AUTS2: variants seen among roughly 807,000 people sequenced by gnomAD.
AUTS2 encodes the protein autism susceptibility gene 2 protein.
Under a neutral mutation model 112.4 loss-of-function variants are expected in AUTS2, and 17 were observed. That is an observed-to-expected ratio of 0.15 (90% CI 0.10 to 0.23). The LOEUF is 0.23. Ranked by LOEUF, AUTS2 falls within the 10% of genes least tolerant of loss-of-function variation. AUTS2 has a pLI of 1.00. For synonymous variants in AUTS2, 751 were observed against 702.7 expected (o/e 1.07, Z -1.09); for missense variants, 1,510 against 1,701.6 (o/e 0.89, Z 1.98).
intron 6 of AUTS2, among the ~76,000 whole-genome samples, chr7:70,700,775 T>G (rs1426032058): frequency 6.6e-6 from 1 of 152,142 alleles, no homozygotes; most frequent in African/African-American, 2.4e-5. Flanking sequence ...TTTGGGTCTG[T>G]TTTTACTCCG....
intron 4 of AUTS2, among the ~76,000 whole-genome samples, chr7:70,314,874 C>T (rs192542241): frequency 5.9e-5 from 9 of 152,288 alleles, no homozygotes; most frequent in Admixed American, 5.9e-4. Context: ...TTTCCCTTTG[C>T]CTTGTACCTG....
intron 1 of AUTS2, among the ~76,000 whole-genome samples, chr7:69,702,304 G>C (rs1562821750): frequency 6.6e-6 from 1 of 152,270 alleles, no homozygotes; most frequent in Non-Finnish European, 1.5e-5. Context: ...CAAATAAAAG[G>C]GCTGTAGTTT....
chr7:70,750,723 T>A (rs926180450), intron 6 of AUTS2, among the ~76,000 whole-genome samples: 5 of 152,346 alleles, frequency 3.3e-5, no homozygotes, highest in Non-Finnish European at 7.4e-5. Context: ...ATTCCTACTT[T>A]GCCTCTTGGC....
intron 5 of AUTS2, among the ~76,000 whole-genome samples, chr7:70,532,547 T>C (rs538579380): frequency 6.6e-6 from 1 of 151,990 alleles, no homozygotes; most frequent in East Asian, 1.9e-4. Context: ...AGAAAGAATA[T>C]GAAAGGGAAG....
chr7:70,285,297 A>G (rs541144025), intron 4 of AUTS2, among the ~76,000 whole-genome samples: 54 of 152,344 alleles, frequency 3.5e-4, no homozygotes, highest in African/African-American at 1.2e-3. Context: ...TGGTATTTAT[A>G]AAACACATTT....
intron 4 of AUTS2, among the ~76,000 whole-genome samples, chr7:70,423,955 G>T (rs1422902566): frequency 6.6e-6 from 1 of 152,146 alleles, no homozygotes; most frequent in Non-Finnish European, 1.5e-5. Context: ...CTGTTGTTGT[G>T]TGTGATATAA....
chr7:70,104,751 A>G (rs1168882361), intron 2 of AUTS2, among the ~76,000 whole-genome samples: 1 of 152,166 alleles, frequency 6.6e-6, no homozygotes, highest in Non-Finnish European at 1.5e-5. Context: ...GTGAAAAATA[A>G]TTTTAAAGCA....
At chr7:70,112,879 A>G (rs1488887900) in intron 2 of AUTS2, among the ~76,000 whole-genome samples, 3 of 151,958 alleles carry the variant, frequency 2.0e-5, no homozygotes, top group Non-Finnish European at 4.4e-5. Flanking sequence ...TTATCAGAAC[A>G]CTTTGTTTTA....
rs1348939816 is a variant in AUTS2 at position 69,599,946 on chromosome 7, C to G, written c.293C>G (p.Thr98Ser). The G allele has an allele frequency of 5.0e-6, 8 of 1,613,484 alleles. No homozygotes were observed. Among genetic ancestry groups the G allele is most frequent in the Non-Finnish European group, 6.8e-6 (8 of 1,179,862 alleles). ...IDGFAMTSFV[T>S]FEALEKDVAL... is the part of the protein sequence containing the mutation. ...GGATTTGCCATGACCAGCTTTGTCACTTTTGAAGCGCTGGAGGTAAGGGGG... is the reference window on the plus strand; with the variant it reads ...GGATTTGCCATGACCAGCTTTGTCAGTTTTGAAGCGCTGGAGGTAAGGGGG... The change falls in exon 1 of 19, where the codon ACT (threonine) becomes AGT (serine). Residue 98 changes from threonine (T) to serine (S), a missense_variant. Around this residue, in one of 3 missense-constraint regions of AUTS2, gnomAD observed 535 missense variants for 594.3 expected, o/e 0.90. Transcript: ENST00000342771. The surrounding 1 kb of genome is among the most constrained non-coding windows in gnomAD (Gnocchi z 7.0).
intron 1 of AUTS2, among the ~76,000 whole-genome samples, chr7:69,871,685 C>G (rs1793504931): frequency 2.0e-5 from 3 of 152,162 alleles, no homozygotes; most frequent in Non-Finnish European, 4.4e-5. Flanking sequence ...TACTAAGTGA[C>G]TAATGGATGA....
intron 1 of AUTS2, among the ~76,000 whole-genome samples, chr7:69,897,904 CA>C (rs1412446057): frequency 6.6e-6 from 1 of 151,974 alleles, no homozygotes. Context: ...TGCAGCAGAA[CA>C]GTGAGAAAAT....
chr7:70,014,467 C>G (rs540459222), intron 2 of AUTS2, among the ~76,000 whole-genome samples: 1 of 152,218 alleles, frequency 6.6e-6, no homozygotes, highest in Non-Finnish European at 1.5e-5. Flanking sequence ...TGTCCTGGTT[C>G]TCATTGCAAT....
intron 5 of AUTS2, among the ~76,000 whole-genome samples, chr7:70,556,329 T>G (rs1801248752): frequency 6.6e-6 from 1 of 152,148 alleles, no homozygotes; most frequent in African/African-American, 2.4e-5. Flanking sequence ...GCAATTACAT[T>G]TTTAACCTGA....
At chr7:70,068,719 G>A (rs1339557384) in intron 2 of AUTS2, among the ~76,000 whole-genome samples, 1 of 152,170 alleles carries the variant, frequency 6.6e-6, no homozygotes. Context: ...ACAACAAGGT[G>A]ATTAATGTAG....
chr7:69,722,891 C>T (rs1584134992), intron 1 of AUTS2, among the ~76,000 whole-genome samples: 1 of 151,668 alleles, frequency 6.6e-6, no homozygotes, highest in East Asian at 1.9e-4. Context: ...AGCATCTGAG[C>T]TACTCACACC....
At chr7:69,826,351 T>C (rs1398567972) in intron 1 of AUTS2, among the ~76,000 whole-genome samples, 1 of 152,240 alleles carries the variant, frequency 6.6e-6, no homozygotes, top group East Asian at 1.9e-4. Context: ...TTAAGTGACC[T>C]GCCTAAGGTG....
chr7:70,557,071 T>G (rs1390637140), intron 5 of AUTS2, among the ~76,000 whole-genome samples: 1 of 152,220 alleles, frequency 6.6e-6, no homozygotes, highest in Non-Finnish European at 1.5e-5. Context: ...TCAAGGACTG[T>G]GCTTTATTTG....
chr7:69,999,551 T>A (rs1406342180), intron 2 of AUTS2, among the ~76,000 whole-genome samples: 3 of 152,192 alleles, frequency 2.0e-5, no homozygotes, highest in Non-Finnish European at 4.4e-5. Context: ...AAATGACCTT[T>A]CTCTGTTTTT....
intron 2 of AUTS2, among the ~76,000 whole-genome samples, chr7:69,984,264 G>A (rs566366695): frequency 2.0e-5 from 3 of 151,998 alleles, no homozygotes; most frequent in African/African-American, 7.2e-5. Flanking sequence ...AAAATTAGCC[G>A]GGCATGGTGG....
Sources: allele counts gnomAD v4.1 joint callset (sites outside exome capture counted in the v4.1 genomes callset), GRCh38; gene constraint gnomAD v4.1.1; regional missense constraint gnomAD v4.1.1; non-coding constraint Gnocchi (gnomAD v3.1); transcripts MANE v1.5; gene names NCBI Gene and HGNC (gene_info 2026-07-23, HGNC 2026-07-21).